Variants in AMZ1 observed in about 807,000 individuals in gnomAD.
AMZ1 encodes the protein archaelysin family metallopeptidase 1.
AMZ1 carries 39 observed loss-of-function variants against 29.9 expected under a neutral mutation model. The observed-to-expected ratio is 1.30, with a 90% CI of 1.01 to 1.70. The LOEUF (loss-of-function observed/expected upper bound fraction) is 1.70. Among genes scored for constraint, AMZ1 ranks in the 40% most tolerant of loss-of-function variants. AMZ1 has a pLI of 0.00. For missense variants in AMZ1, 1,041 were observed against 680.6 expected, an observed-to-expected ratio of 1.53 and a Z score of -5.89; for synonymous variants, 458 against 304.0, an observed-to-expected ratio of 1.51 and a Z score of -5.27.
At chr7:2,759,246 C>A (rs1333952810) in intron 4 of AMZ1, among the ~76,000 whole-genome samples, 4 of 151,896 alleles carry the variant, frequency 2.6e-5, no homozygotes, top group Non-Finnish European at 5.9e-5. Context: ...AGAAATAAGT[C>A]ATAAAATGGT....
chr7:2,762,752 A>T, upstream of AMZ1: 1 of 1,552,128 alleles, frequency 6.4e-7, no homozygotes, highest in Non-Finnish European at 8.7e-7. Flanking sequence ...CAGGAAGTGC[A>T]CCAGGCCCGT....
chr7:2,717,547 G>C lies in AMZ1; in HGVS notation c.*4669G>C, dbSNP rs562915370. 1.4e-4 allele frequency among the ~76,000 whole-genome samples: 22 copies of C among 152,350 alleles called. No individual in the cohort carries two copies. Among genetic ancestry groups the C allele is most frequent in the African/African-American group, 4.8e-4 (20 of 41,578 alleles). On this transcript the variant is annotated 3_prime_UTR_variant, in exon 7 of 7. Coordinates refer to ENST00000683327, the MANE Select transcript of AMZ1 (RefSeq NM_001384743.1). ...GATCCCTGTGGGGCAACTGCACACA[G>C]AGGTGCCCAGTTTCAAGGAAACCTA...
chr7:2,744,263 A>ACC (rs1295497006), intron 4 of AMZ1, among the ~76,000 whole-genome samples: 1 of 151,912 alleles, frequency 6.6e-6, no homozygotes, highest in Non-Finnish European at 1.5e-5. Context: ...ACTGGGAGGC[A>ACC]CCCCCCAGTA....
At chr7:2,689,543 C>G (rs886456152) in intron 1 of AMZ1, among the ~76,000 whole-genome samples, 13 of 152,196 alleles carry the variant, frequency 8.5e-5, no homozygotes, top group Admixed American at 2.6e-4. Flanking sequence ...CATCCCTGCT[C>G]CAGGAGCAGC....
chr7:2,712,978 G>A lies in AMZ1; in HGVS notation c.*100G>A. 3 of 1,304,832 alleles carry A rather than the reference G, an allele frequency of 2.3e-6. No homozygotes were observed. Among genetic ancestry groups the A allele is most frequent in the Non-Finnish European group, 3.0e-6 (3 of 1,001,762 alleles). 80.8% of individuals were successfully genotyped at this position (1,304,832 alleles called of 1,614,324 possible). Reference sequence around the variant, plus strand: ...GACCTGCCAGGGATAAAGAGGAAGGGTCTGCCTGGGTGGTGGCTCAGGCCT... The same window carrying A: ...GACCTGCCAGGGATAAAGAGGAAGGATCTGCCTGGGTGGTGGCTCAGGCCT... On this transcript the variant is annotated 3_prime_UTR_variant, in exon 7 of 7. Coordinates refer to ENST00000683327, the MANE Select transcript of AMZ1 (RefSeq NM_001384743.1).
intron 4 of AMZ1, among the ~76,000 whole-genome samples, chr7:2,742,638 A>C (rs1790567090): frequency 6.6e-6 from 1 of 152,120 alleles, no homozygotes; most frequent in South Asian, 2.1e-4. Context: ...GTCAGCTGTC[A>C]ATGTCTACCC....
Position 2,716,991 on chromosome 7 carries a change from C to T in AMZ1, c.*4113C>T, listed in dbSNP as rs191025264. 1.1e-4 allele frequency among the ~76,000 whole-genome samples: 17 copies of T among 152,308 alleles called. No individual in the cohort carries two copies. Among genetic ancestry groups the T allele is most frequent in the East Asian group, 3.9e-4 (2 of 5,176 alleles). On this transcript the variant is annotated 3_prime_UTR_variant, in exon 7 of 7. Transcript: ENST00000683327. ...GCAGCTTTCTAAAAGCAAGCTGGAGCGGTCTGAGCAGGAAGAGAGTAAGAA... is the reference window on the plus strand; with the variant it reads ...GCAGCTTTCTAAAAGCAAGCTGGAGTGGTCTGAGCAGGAAGAGAGTAAGAA...
rs201142649 is a variant in AMZ1, at chr7:2,712,852, C to G, written c.1471C>G (p.Arg491Gly). 31 of 1,524,084 alleles carry G rather than the reference C, an allele frequency of 2.0e-5. No individual in the cohort carries two copies. The highest frequency in any genetic ancestry group is 4.2e-5 in the African/African-American group (3 of 72,126). 94.4% of individuals were successfully genotyped at this position (1,524,084 alleles called of 1,614,324 possible). A position where few individuals can be genotyped will look rare whatever the true frequency, so the allele number is the denominator to read the frequency against. ...RKLARAESAP[R>G]PWDGEES ...ACTCGCCAGAGCAGAGTCGGCCCCC[C>G]GTCCCTGGGATGGGGAAGAGAGTTA... Residue 491 changes from arginine to glycine, a missense_variant, in exon 7 of 7, where the codon CGT (arginine) becomes GGT (glycine). Physicochemically the swap from Arg to Gly is moderately radical, Grantham distance 125. Transcript: ENST00000683327.
At position 2,707,462 on chromosome 7, in the gene AMZ1, C is replaced by G. The variant is rs1406775426; in HGVS notation, c.473-1126C>G. Among the ~76,000 whole-genome samples the G allele has an allele frequency of 4.6e-5, 7 of 152,168 alleles. No individual in the cohort carries two copies. In the East Asian group the frequency reaches 1.3e-3, roughly 29 times the overall value. On this transcript the variant is annotated intron_variant, in intron 3 of 6. Transcript: ENST00000683327. ...CCCGTGGTGGCTGCTCTGCCCCCTT[C>G]CCTCCCTGGGCTTCTGGTTTCCCGG...
intron 4 of AMZ1, chr7:2,733,484 G>A (rs747427701): frequency 1.5e-5 from 25 of 1,613,692 alleles, no homozygotes; most frequent in Admixed American, 1.3e-4. Context: ...TGTCCAGGAA[G>A]TACTTCACCG....
intron 4 of AMZ1, among the ~76,000 whole-genome samples, chr7:2,737,044 CAG>C (rs1790217421): frequency 6.6e-6 from 1 of 152,136 alleles, no homozygotes; most frequent in Admixed American, 6.5e-5. Flanking sequence ...GTCAATGTCA[CAG>C]ACTGACAGGG....
intron 3 of AMZ1, among the ~76,000 whole-genome samples, chr7:2,703,990 A>G (rs1188691568): frequency 2.6e-5 from 4 of 151,846 alleles, no homozygotes; most frequent in Non-Finnish European, 5.9e-5. Context: ...CCGGGTTCAC[A>G]CCATTCTCCT....
chr7:2,712,474 T>G lies in AMZ1; in HGVS notation c.1093T>G (p.Ser365Ala). 1.2e-6 allele frequency: 2 copies of G among 1,610,718 alleles called. No homozygotes were observed. Among genetic ancestry groups the G allele is most frequent in the South Asian group, 2.2e-5 (2 of 90,938 alleles). ...ESDSEPGTSVSEPLTPDAGSH... is the reference protein window; with the variant it reads ...ESDSEPGTSVAEPLTPDAGSH... ...TGACTCGGAGCCCGGCACCAGTGTG[T>G]CGGAGCCCCTCACCCCTGATGCCGG... is the stretch of plus-strand genomic sequence containing the variant. The change falls in exon 7 of 7, where the codon TCG (serine) becomes GCG (alanine). Residue 365 changes from serine (S) to alanine (A), a missense_variant. Coordinates refer to ENST00000683327, the MANE Select transcript of AMZ1 (RefSeq NM_001384743.1).
chr7:2,680,912 C>T (rs189973871), intron 1 of AMZ1, among the ~76,000 whole-genome samples: 3 of 152,350 alleles, frequency 2.0e-5, no homozygotes, highest in African/African-American at 4.8e-5. Context: ...CCTGGGTAGG[C>T]GCCTGGCCAA....
rs748900079 is a variant in AMZ1 at position 2,727,322 on chromosome 7, C to T, written n.550+17506C>T. On this transcript the variant is annotated intron_variant and non_coding_transcript_variant, in intron 4 of 4. Coordinates refer to the AMZ1 transcript ENST00000489665. ...GTCTCGATCTCTTGACCTTGTGATC[C>T]GCTCGCCTCGGACTCTCAAAGTGCT... Among the ~76,000 whole-genome samples, 8 of 152,220 alleles carry T rather than the reference C, an allele frequency of 5.3e-5. No individual in the cohort carries two copies. In the East Asian group the frequency reaches 7.7e-4, roughly 15 times the overall value.
At chr7:2,704,023 G>T (rs2115124285) in intron 3 of AMZ1, among the ~76,000 whole-genome samples, 1 of 152,280 alleles carries the variant, frequency 6.6e-6, no homozygotes, top group African/African-American at 2.4e-5. Flanking sequence ...CGCGTAGCTG[G>T]GACTACAGGC....
chr7:2,724,870 G>C (rs1177270491), intron 4 of AMZ1, among the ~76,000 whole-genome samples: 1 of 152,100 alleles, frequency 6.6e-6, no homozygotes, highest in Admixed American at 6.5e-5. Context: ...ATTTCCAAAC[G>C]TCAGGGTTAA....
chr7:2,711,214 T>G (rs1353534591), intron 6 of AMZ1, among the ~76,000 whole-genome samples: 2 of 152,082 alleles, frequency 1.3e-5, no homozygotes, highest in African/African-American at 2.4e-5. Context: ...CTCCTGGCTG[T>G]TGTAGGGAGG....
At chr7:2,724,436 C>T (rs1053135620), downstream of AMZ1, among the ~76,000 whole-genome samples, 1 of 152,212 alleles carries the variant, frequency 6.6e-6, no homozygotes, top group African/African-American at 2.4e-5. Context: ...TAAAGGGTGC[C>T]AAGGTGACAG....
Sources: gnomAD v4.1 joint callset for allele counts (sites outside exome capture counted in the v4.1 genomes callset) on GRCh38, gnomAD v4.1.1 for gene constraint, MANE v1.5 for transcripts, NCBI Gene and HGNC (gene_info 2026-07-23, HGNC 2026-07-21) for gene names.